The following CDC42BPA variants were observed in gnomAD, a reference collection of about 807,000 sequenced individuals.
CDC42BPA encodes CDC42 binding protein kinase alpha.
Under a neutral mutation model 223.5 loss-of-function variants are expected in CDC42BPA, and 80 were observed. That is an observed-to-expected ratio of 0.36 (90% CI 0.30 to 0.43). The LOEUF (loss-of-function observed/expected upper bound fraction) is 0.43, where lower values mean the gene tolerates loss of function less well. CDC42BPA is among the 20% of genes least tolerant of loss of function. CDC42BPA has a pLI of 1.00. For missense variants in CDC42BPA, 1,743 were observed against 2,099.9 expected, an observed-to-expected ratio of 0.83 and a Z score of 3.32; for synonymous variants, 694 against 718.6, an observed-to-expected ratio of 0.97 and a Z score of 0.55.
chr1:227,233,057 GC>G lies in CDC42BPA; in HGVS notation c.271-19839del, dbSNP rs571891527. The stretch of plus-strand genomic sequence containing the variant: ...GCTCCATGGGCGTGGGACCCTCCGA[GC>G]CAGGTGCGGGATATGATGTCCTGGT... On this transcript the variant is annotated intron_variant, in intron 2 of 36. Coordinates refer to ENST00000366766, the MANE Select transcript of CDC42BPA (RefSeq NM_001394014.1). Among the ~76,000 whole-genome samples, 14 of 152,348 alleles carry G rather than the reference GC, an allele frequency of 9.2e-5. No individual in the cohort carries two copies. In the South Asian group the frequency reaches 2.7e-3, roughly 29 times the overall value.
intron 23 of CDC42BPA, among the ~76,000 whole-genome samples, chr1:227,043,820 T>A (rs575914540): frequency 6.6e-6 from 1 of 152,286 alleles, no homozygotes; most frequent in South Asian, 2.1e-4. Flanking sequence ...GTAATAAACA[T>A]CTTCATCATG....
chr1:227,298,024 C>T (rs1247935439), intron 1 of CDC42BPA, among the ~76,000 whole-genome samples: 1 of 146,642 alleles, frequency 6.8e-6, no homozygotes, highest in Non-Finnish European at 1.5e-5. Context: ...TATATACATA[C>T]ATAAATATAT....
intron 10 of CDC42BPA, among the ~76,000 whole-genome samples, chr1:227,133,680 TC>T (rs1313339762): frequency 1.3e-5 from 2 of 152,142 alleles, no homozygotes; most frequent in African/African-American, 4.8e-5. Flanking sequence ...CCCTGTGCTC[TC>T]TGAAACATGT....
intron 11 of CDC42BPA, among the ~76,000 whole-genome samples, chr1:227,121,950 G>A (rs1189793888): frequency 1.3e-5 from 2 of 151,724 alleles, no homozygotes; most frequent in Middle Eastern, 3.4e-3. Context: ...ACAGACACTC[G>A]CCACCACGTC....
At chr1:227,229,449 T>G (rs1239152962) in intron 2 of CDC42BPA, among the ~76,000 whole-genome samples, 4 of 152,208 alleles carry the variant, frequency 2.6e-5, no homozygotes, top group Non-Finnish European at 5.9e-5. Context: ...GTGTGAGTCC[T>G]CCAACTTTGC....
intron 2 of CDC42BPA, among the ~76,000 whole-genome samples, chr1:227,253,634 A>C (rs1682534709): frequency 6.6e-6 from 1 of 151,160 alleles, no homozygotes; most frequent in African/African-American, 2.5e-5. Context: ...ATACATACAT[A>C]CATACATACA....
At chr1:227,253,597 A>AAAAT (rs368265961) in intron 2 of CDC42BPA, among the ~76,000 whole-genome samples, 40,099 of 147,864 alleles carry the variant, frequency 0.27, 6,030 homozygotes, top group Non-Finnish European at 0.34. Context: ...CTCCATCTCA[A>AAAAT]AAATAAATAA....
At chr1:227,048,691 A>G (rs537447644) in intron 22 of CDC42BPA, among the ~76,000 whole-genome samples, 2 of 150,240 alleles carry the variant, frequency 1.3e-5, no homozygotes, top group South Asian at 2.1e-4. Context: ...CAAAGAACCA[A>G]TCATTCCACT....
Position 227,126,493 on chromosome 1 carries a change from AAGGAAGGAAGGAAGGAAGGAAGGAAGGT to A in CDC42BPA, c.1513+2588_1513+2615del, listed in dbSNP as rs1248680190. Among the ~76,000 whole-genome samples, 420 of 123,702 alleles carry A rather than the reference AAGGAAGGAAGGAAGGAAGGAAGGAAGGT, an allele frequency of 3.4e-3. 5 individuals carry two copies. Among genetic ancestry groups the A allele is most frequent in the African/African-American group, 0.012 (405 of 33,470 alleles). 81.2% of individuals were successfully genotyped at this position (123,702 alleles called of 152,430 possible). A position where few individuals can be genotyped will look rare whatever the true frequency, so the allele number is the denominator to read the frequency against. On this transcript the variant is annotated intron_variant, in intron 11 of 36. Coordinates refer to ENST00000366766, the MANE Select transcript of CDC42BPA (RefSeq NM_001394014.1). ...GAAGGAAGGAAGGAAGGAAGGAAGGAAGGAAGGAAGGAAGGAAGGAAGGAAGGTAAGAAAGGAAAAAGAAGAAAAAAAA... is the reference window on the plus strand; with the variant it reads ...GAAGGAAGGAAGGAAGGAAGGAAGGAAAGAAAGGAAAAAGAAGAAAAAAAA...
chr1:227,316,925 T>A, intron 1 of CDC42BPA, 80 bp downstream of exon 1: 1 of 1,035,076 alleles, frequency 9.7e-7, no homozygotes, highest in Non-Finnish European at 1.4e-6. Context: ...CGGAGTAGAG[T>A]TTACTCATAA....
intron 3 of CDC42BPA, among the ~76,000 whole-genome samples, chr1:227,208,966 T>C (rs1007796544): frequency 2.0e-5 from 3 of 152,092 alleles, no homozygotes; most frequent in Non-Finnish European, 4.4e-5. Context: ...ATTTTCACGA[T>C]ATTGATTCTT....
intron 12 of CDC42BPA, among the ~76,000 whole-genome samples, chr1:227,118,589 A>G (rs990380062): frequency 1.3e-5 from 2 of 152,104 alleles, no homozygotes; most frequent in Admixed American, 6.6e-5. Context: ...GTCACTATAA[A>G]TCTAGCTATC....
chr1:227,168,520 G>C, intron 5 of CDC42BPA, among the ~76,000 whole-genome samples: 1 of 5,786 alleles, frequency 1.7e-4, no homozygotes, highest in East Asian at 1.3e-3. Flanking sequence ...TTTTGAGGCA[G>C]AGTCTCGCTC....
At chr1:227,103,539 T>TA in intron 14 of CDC42BPA, among the ~76,000 whole-genome samples, 1 of 152,224 alleles carries the variant, frequency 6.6e-6, no homozygotes, top group African/African-American at 2.4e-5. Flanking sequence ...GACATGTTTC[T>TA]ACTCCGTGGA....
At chr1:227,158,925 T>A (rs1168969033) in intron 6 of CDC42BPA, among the ~76,000 whole-genome samples, 3 of 152,146 alleles carry the variant, frequency 2.0e-5, no homozygotes, top group African/African-American at 7.2e-5. Flanking sequence ...CCAGCTCTGC[T>A]TTCACTCTAG....
intron 2 of CDC42BPA, among the ~76,000 whole-genome samples, chr1:227,242,631 ATCCTT>A (rs1227377023): frequency 6.6e-6 from 1 of 152,116 alleles, no homozygotes; most frequent in African/African-American, 2.4e-5. Flanking sequence ...TTCTAAAACT[ATCCTT>A]TACTAGCTTA....
chr1:227,198,260 G>A (rs1434731019), intron 4 of CDC42BPA, among the ~76,000 whole-genome samples: 2 of 151,684 alleles, frequency 1.3e-5, no homozygotes, highest in Admixed American at 6.6e-5. Context: ...AGACGAGCCT[G>A]AGCAACAAAC....
intron 18 of CDC42BPA, 75 bp from the exon 19 acceptor site, chr1:227,074,087 G>A (rs181541442): frequency 6.6e-7 from 1 of 1,518,572 alleles, no homozygotes; most frequent in African/African-American, 1.4e-5. Context: ...CCAGCTGTGT[G>A]TTATGTTTTT....
intron 1 of CDC42BPA, among the ~76,000 whole-genome samples, chr1:227,279,988 G>A (rs893187691): frequency 1.3e-5 from 2 of 152,084 alleles, no homozygotes; most frequent in Non-Finnish European, 2.9e-5. Context: ...AACCTGGGAG[G>A]TGGAGGTTGC....
Sources: gnomAD v4.1 joint callset for allele counts (sites outside exome capture counted in the v4.1 genomes callset) on GRCh38, gnomAD v4.1.1 for gene constraint, MANE v1.5 for transcripts, NCBI Gene and HGNC (gene_info 2026-07-23, HGNC 2026-07-21) for gene names.